Variants in ZC3H12B observed in about 807,000 individuals in gnomAD.
ZC3H12B encodes the protein probable ribonuclease ZC3H12B.
Under a neutral mutation model 43.9 loss-of-function variants are expected in ZC3H12B, and 7 were observed. The observed-to-expected ratio is 0.16, with a 90% CI of 0.09 to 0.30. The LOEUF (loss-of-function observed/expected upper bound fraction) is 0.30. Among genes scored for constraint, ZC3H12B ranks in the 10% least tolerant of loss-of-function variants. ZC3H12B has a pLI of 1.00. For synonymous variants in ZC3H12B, 222 were observed against 241.7 expected, an observed-to-expected ratio of 0.92 and a Z score of 0.76; for missense variants, 475 against 670.2, an observed-to-expected ratio of 0.71 and a Z score of 3.22.
chrX:65,466,170 C>G (rs186736123), intron 3 of ZC3H12B, among the ~76,000 whole-genome samples: 10 of 110,718 alleles, frequency 9.0e-5, no homozygotes, highest in African/African-American at 3.3e-4. Flanking sequence ...CTTCCTCTCT[C>G]CAGCCCCCAG....
At chrX:65,171,485 G>A in the ZC3H12B span, among the ~76,000 whole-genome samples, 3 of 111,112 alleles carry the variant, frequency 2.7e-5, no homozygotes, top group Non-Finnish European at 3.8e-5. Context: ...GCTACTCGGG[G>A]GTCCGAGACC....
At chrX:65,057,431 A>C in the ZC3H12B span, among the ~76,000 whole-genome samples, 1 of 112,001 alleles carries the variant, frequency 8.9e-6, no homozygotes, top group Non-Finnish European at 1.9e-5. Flanking sequence ...TCTGGCTTGT[A>C]GAGTTTCTGC....
chrX:65,343,498 C>G, the ZC3H12B span, among the ~76,000 whole-genome samples: 5 of 111,722 alleles, frequency 4.5e-5, no homozygotes, highest in Non-Finnish European at 1.9e-5. Flanking sequence ...AAAGCCTTAT[C>G]CCTGGAATAA....
chrX:65,489,103 A>T (rs1266806001), exon 1 of ZC3H12B: 2 of 1,210,286 alleles, frequency 1.7e-6, no homozygotes, highest in Non-Finnish European at 2.2e-6. Flanking sequence ...CAGGATGGTA[A>T]ACTTGACTTG....
the ZC3H12B span, among the ~76,000 whole-genome samples, chrX:65,115,309 T>C: frequency 9.1e-6 from 1 of 110,441 alleles, no homozygotes; most frequent in Non-Finnish European, 1.9e-5. Flanking sequence ...TGATATTTGG[T>C]TTTCCATTCC....
At chrX:65,065,302 G>A in the ZC3H12B span, among the ~76,000 whole-genome samples, 1 of 111,530 alleles carries the variant, frequency 9.0e-6, no homozygotes, top group Admixed American at 9.5e-5. Context: ...TCCATAGTTA[G>A]TGCTTCCTTC....
chrX:65,232,593 T>G, the ZC3H12B span, among the ~76,000 whole-genome samples: 1 of 111,267 alleles, frequency 9.0e-6, no homozygotes, highest in Non-Finnish European at 1.9e-5. Context: ...AAAATTATAA[T>G]AAATTCACAG....
chrX:65,101,757 C>T, the ZC3H12B span, among the ~76,000 whole-genome samples: 1 of 112,005 alleles, frequency 8.9e-6, no homozygotes, highest in South Asian at 3.7e-4. Context: ...TAACAACCTA[C>T]CAACCAAAAA....
chrX:65,124,128 G>A, the ZC3H12B span, among the ~76,000 whole-genome samples: 1 of 111,194 alleles, frequency 9.0e-6, no homozygotes, highest in East Asian at 2.8e-4. Context: ...CTGTAGGTTT[G>A]TCATAGATGG....
chrX:65,416,093 G>A (rs1156926015), intron 3 of ZC3H12B, among the ~76,000 whole-genome samples: 1 of 111,168 alleles, frequency 9.0e-6, no homozygotes, highest in African/African-American at 3.3e-5. Flanking sequence ...TGATGATTGG[G>A]GTTCAATATT....
At chrX:65,447,088 A>G (rs763847703) in intron 3 of ZC3H12B, among the ~76,000 whole-genome samples, 3 of 111,816 alleles carry the variant, frequency 2.7e-5, no homozygotes, top group African/African-American at 9.7e-5. Context: ...CTGTTTCAGC[A>G]ATCATTTCTT....
the ZC3H12B span, among the ~76,000 whole-genome samples, chrX:65,129,257 G>GTGTATA: frequency 1.2e-5 from 1 of 86,004 alleles, no homozygotes; most frequent in African/African-American, 7.5e-5. Context: ...GTGTATATAT[G>GTGTATA]TATATATATA....
chrX:65,140,109 A>G, the ZC3H12B span, among the ~76,000 whole-genome samples: 1 of 111,071 alleles, frequency 9.0e-6, no homozygotes. Context: ...TTGCTCTGAC[A>G]AGGAATGCCA....
chrX:65,282,169 G>A, the ZC3H12B span, among the ~76,000 whole-genome samples: 1 of 110,975 alleles, frequency 9.0e-6, no homozygotes, highest in Non-Finnish European at 1.9e-5. Context: ...CAAAATCTTA[G>A]CCAGGCACAG....
chrX:65,452,910 TA>T (rs1242474222), intron 3 of ZC3H12B, among the ~76,000 whole-genome samples: 5 of 108,233 alleles, frequency 4.6e-5, no homozygotes, highest in African/African-American at 1.7e-4. Context: ...ATCAATATTG[TA>T]AAAATGAACA....
chrX:65,189,229 C>A, the ZC3H12B span, among the ~76,000 whole-genome samples: 1 of 103,515 alleles, frequency 9.7e-6, no homozygotes, highest in Non-Finnish European at 2.0e-5. Flanking sequence ...CAAGTCTTTG[C>A]TATTGTGAAT....
At chrX:65,108,089 A>T in the ZC3H12B span, among the ~76,000 whole-genome samples, 1 of 111,305 alleles carries the variant, frequency 9.0e-6, no homozygotes, top group Non-Finnish European at 1.9e-5. Context: ...CTTATGGTGA[A>T]TGGAGCTTGC....
At chrX:65,479,737 GGTTCT>G (rs1163943291) in intron 3 of ZC3H12B, among the ~76,000 whole-genome samples, 2 of 112,207 alleles carry the variant, frequency 1.8e-5, no homozygotes, top group African/African-American at 6.5e-5. Flanking sequence ...AGGGTGTCCA[GGTTCT>G]TGGTGTCTTG....
intron 2 of ZC3H12B, among the ~76,000 whole-genome samples, chrX:65,380,156 C>T (rs1320783141): frequency 1.8e-5 from 2 of 111,474 alleles, no homozygotes; most frequent in African/African-American, 3.3e-5. Flanking sequence ...ACATAATTGT[C>T]AGATTCACCA....
Sources: gnomAD v4.1 joint callset for allele counts (sites outside exome capture counted in the v4.1 genomes callset) on GRCh38, gnomAD v4.1.1 for gene constraint, MANE v1.5 for transcripts, NCBI Gene and HGNC (gene_info 2026-07-23, HGNC 2026-07-21) for gene names.